IMMP2L: variants seen among roughly 807,000 people sequenced by gnomAD.
IMMP2L encodes the protein mitochondrial inner membrane protease subunit 2.
IMMP2L carries 18 observed loss-of-function variants against 19.3 expected under a neutral mutation model. That is an observed-to-expected ratio of 0.93 (90% CI 0.64 to 1.38). The LOEUF is 1.38. Among genes scored for constraint, IMMP2L ranks in the 40% most tolerant of loss-of-function variants. The pLI, the probability that IMMP2L is intolerant of heterozygous loss-of-function variation, is 0.00. For synonymous variants in IMMP2L, 76 were observed against 73.0 expected (o/e 1.04, Z -0.21); for missense variants, 233 against 218.2 (o/e 1.07, Z -0.43).
At chr7:110,944,218 C>T (rs1733670168) in intron 4 of IMMP2L, among the ~76,000 whole-genome samples, 2 of 151,824 alleles carry the variant, frequency 1.3e-5, no homozygotes, top group Admixed American at 6.6e-5. Context: ...GATAGAGAAA[C>T]ACATGTACTA....
chr7:110,936,801 A>C (rs976009544), intron 4 of IMMP2L, among the ~76,000 whole-genome samples: 1 of 152,204 alleles, frequency 6.6e-6, no homozygotes, highest in Non-Finnish European at 1.5e-5. Flanking sequence ...AACCAACCCA[A>C]ATTCCTATCA....
chr7:111,509,643 T>G (rs1286569931), intron 2 of IMMP2L, among the ~76,000 whole-genome samples: 1 of 152,278 alleles, frequency 6.6e-6, no homozygotes, highest in South Asian at 2.1e-4. Flanking sequence ...TATTGTTACA[T>G]GAAACTTTTG....
In IMMP2L at chr7:110,920,261, C is replaced by T. The variant is rs577080154; in HGVS notation, c.306-33566G>A. The stretch of plus-strand genomic sequence containing the variant: ...CTCCCCATTTATATATACATGTATC[C>T]TATTAGTTCTGTCCCTCTAGGGAAC... On this transcript the variant is annotated intron_variant, in intron 4 of 5. Transcript: ENST00000405709. Among the ~76,000 whole-genome samples the T allele has an allele frequency of 2.6e-5, 4 of 152,244 alleles. 1 individual carries two copies. In the East Asian group the frequency reaches 5.8e-4, roughly 22 times the overall value.
At position 111,439,002 on chromosome 7, in the gene IMMP2L, T is replaced by G. The variant is rs545325446; in HGVS notation, c.239+48236A>C. 2.6e-5 allele frequency among the ~76,000 whole-genome samples: 4 copies of G among 151,898 alleles called. No homozygotes were observed. In the East Asian group the frequency reaches 7.7e-4, roughly 29 times the overall value. On this transcript the variant is annotated intron_variant, in intron 3 of 5. Transcript: ENST00000405709. ...GAACTTTGCATGCAAATGACAACAT[T>G]ACTTGGCAACAAAAGAATGTGGACA... is the stretch of plus-strand genomic sequence containing the variant.
chr7:111,535,487 T>C (rs1031999723), intron 1 of IMMP2L, among the ~76,000 whole-genome samples: 2 of 152,144 alleles, frequency 1.3e-5, no homozygotes, highest in Non-Finnish European at 2.9e-5. Context: ...ATATGAGATA[T>C]ATCTAAAGAA....
intron 3 of IMMP2L, chr7:111,394,829 A>C (rs1563139666): frequency 4.5e-6 from 1 of 221,318 alleles, no homozygotes; most frequent in Non-Finnish European, 9.7e-6. Flanking sequence ...TATATTTGTA[A>C]AATAGTAGTT....
chr7:110,679,668 T>A lies in IMMP2L; in HGVS notation c.409-15947A>T, dbSNP rs1443121754. On this transcript the variant is annotated intron_variant, in intron 5 of 5. Coordinates refer to ENST00000405709, the MANE Select transcript of IMMP2L (RefSeq NM_032549.4). ...GTGGTGAATGCAGCTATTCCTCTGCTGGGGTTACCTCTGTTCATCTGGGTG... is the reference window on the plus strand; with the variant it reads ...GTGGTGAATGCAGCTATTCCTCTGCAGGGGTTACCTCTGTTCATCTGGGTG... 2.6e-5 allele frequency among the ~76,000 whole-genome samples: 4 copies of A among 152,168 alleles called. No homozygotes were observed. The East Asian group carries it at 5.8e-4, about 22-fold the overall frequency.
At chr7:111,268,697 A>G (rs1042858305) in intron 3 of IMMP2L, among the ~76,000 whole-genome samples, 2 of 145,390 alleles carry the variant, frequency 1.4e-5, no homozygotes, top group Admixed American at 7.1e-5. Flanking sequence ...TGCTCAAACA[A>G]TCCTCCTCCC....
intron 3 of IMMP2L, among the ~76,000 whole-genome samples, chr7:111,314,339 T>C (rs1563048121): frequency 6.6e-6 from 1 of 152,118 alleles, no homozygotes; most frequent in South Asian, 2.1e-4. Context: ...GAATTGTATA[T>C]AATTTGAAAT....
At chr7:111,106,780 C>T (rs1276775905) in intron 3 of IMMP2L, among the ~76,000 whole-genome samples, 2 of 149,164 alleles carry the variant, frequency 1.3e-5, no homozygotes. Flanking sequence ...TTCTGCTGTA[C>T]CATTTAATCA....
At chr7:110,673,971 C>T (rs1792106040) in intron 5 of IMMP2L, among the ~76,000 whole-genome samples, 1 of 152,204 alleles carries the variant, frequency 6.6e-6, no homozygotes. Context: ...GTTGCTTCTA[C>T]TTTTTGGGGT....
rs10253600 is a variant in IMMP2L at position 110,945,568 on chromosome 7, C to A, written c.305+17932G>T. The stretch of plus-strand genomic sequence containing the variant: ...TACCCCGGAGTGGGAGAACAGTCTT[C>A]CTTCTACCAAAATGTATGTACTGAC... On this transcript the variant is annotated intron_variant, in intron 4 of 5. Coordinates refer to ENST00000405709, the MANE Select transcript of IMMP2L (RefSeq NM_032549.4). Among the ~76,000 whole-genome samples, 1,473 of 152,068 alleles carry A rather than the reference C, an allele frequency of 9.7e-3. 21 individuals are homozygous for A. Among genetic ancestry groups the A allele is most frequent in the African/African-American group, 0.033 (1,358 of 41,528 alleles).
chr7:111,539,219 A>G (rs1230035909), intron 1 of IMMP2L, among the ~76,000 whole-genome samples: 47 of 115,620 alleles, frequency 4.1e-4, no homozygotes, highest in African/African-American at 1.5e-3. Flanking sequence ...AGAAAGAAAG[A>G]AAGAAAGAAA....
At chr7:111,059,118 G>T (rs867154395) in intron 3 of IMMP2L, among the ~76,000 whole-genome samples, 2 of 152,048 alleles carry the variant, frequency 1.3e-5, no homozygotes, top group South Asian at 4.2e-4. Flanking sequence ...AAGTAGCTGG[G>T]ATTGCAGGCA....
chr7:111,129,450 T>G (rs955833563), intron 3 of IMMP2L, among the ~76,000 whole-genome samples: 3 of 151,094 alleles, frequency 2.0e-5, no homozygotes, highest in Admixed American at 6.6e-5. Context: ...CATTATATAT[T>G]ACTATATTTA....
chr7:111,196,049 T>G (rs572444934), intron 3 of IMMP2L, among the ~76,000 whole-genome samples: 2 of 152,026 alleles, frequency 1.3e-5, no homozygotes, highest in East Asian at 3.9e-4. Flanking sequence ...TTTTGTTTTG[T>G]TTTTGATAGA....
intron 3 of IMMP2L, among the ~76,000 whole-genome samples, chr7:111,473,450 A>G (rs900439683): frequency 1.3e-5 from 2 of 152,288 alleles, no homozygotes; most frequent in African/African-American, 4.8e-5. Context: ...AAAGTTTTCA[A>G]GTTTTCCTTG....
At chr7:110,833,539 G>T (rs895813203) in intron 5 of IMMP2L, among the ~76,000 whole-genome samples, 3 of 152,000 alleles carry the variant, frequency 2.0e-5, no homozygotes, top group Non-Finnish European at 2.9e-5. Flanking sequence ...CATCTGGGGG[G>T]ATGGCTGATT....
Position 111,216,092 on chromosome 7 carries a change from A to G in IMMP2L, c.240-252527T>C, listed in dbSNP as rs1416155712. Reference sequence around the variant, plus strand: ...CTTCATTCTCTCTTGGAAAATTCCAATTTGCCTTTGGATCATTCCAGATAC... The same window carrying G: ...CTTCATTCTCTCTTGGAAAATTCCAGTTTGCCTTTGGATCATTCCAGATAC... On this transcript the variant is annotated intron_variant, in intron 3 of 5. Coordinates refer to ENST00000405709, the MANE Select transcript of IMMP2L (RefSeq NM_032549.4). Among the ~76,000 whole-genome samples the G allele has an allele frequency of 2.6e-5, 4 of 152,184 alleles. No individual in the cohort carries two copies. The South Asian group carries it at 6.2e-4, about 24-fold the overall frequency.
Sources: gnomAD v4.1 joint callset for allele counts (sites outside exome capture counted in the v4.1 genomes callset) on GRCh38, gnomAD v4.1.1 for gene constraint, MANE v1.5 for transcripts, NCBI Gene and HGNC (gene_info 2026-07-23, HGNC 2026-07-21) for gene names.